NECTIN3: variants seen among roughly 807,000 people sequenced by gnomAD.
NECTIN3 encodes the protein nectin cell adhesion molecule 3.
A neutral mutation model predicts 49.4 loss-of-function variants in NECTIN3; 8 were observed. The ratio of observed to expected loss-of-function variants is 0.16; its 90% CI spans 0.10 to 0.29. The LOEUF is 0.29. Ranked by LOEUF, NECTIN3 falls within the 10% of genes least tolerant of loss-of-function variation. The probability of loss-of-function intolerance (pLI) is 1.00; values close to 1 mark genes in which losing one functional copy is unlikely to be tolerated. For synonymous variants in NECTIN3, 277 were observed against 241.1 expected, an observed-to-expected ratio of 1.15 and a Z score of -1.38; for missense variants, 581 against 654.6, an observed-to-expected ratio of 0.89 and a Z score of 1.23.
intron 7 of NECTIN3, among the ~76,000 whole-genome samples, chr3:111,163,807 T>A (rs2035266166): frequency 6.6e-6 from 1 of 152,124 alleles, no homozygotes; most frequent in South Asian, 2.1e-4. Flanking sequence ...TTATGCATTG[T>A]CATGACTGCA....
intron 7 of NECTIN3, among the ~76,000 whole-genome samples, chr3:111,175,646 C>T (rs1045431600): frequency 1.3e-5 from 2 of 152,146 alleles, no homozygotes; most frequent in African/African-American, 4.8e-5. Flanking sequence ...CTCATAGACA[C>T]AGAACCACAA....
At chr3:111,089,629 A>G (rs1021680308) in intron 1 of NECTIN3, among the ~76,000 whole-genome samples, 1 of 151,980 alleles carries the variant, frequency 6.6e-6, no homozygotes, top group Non-Finnish European at 1.5e-5. Context: ...TTTTGTTTTA[A>G]CATTGTGTCA....
intron 1 of NECTIN3, among the ~76,000 whole-genome samples, chr3:111,086,458 G>A (rs1439413882): frequency 6.6e-6 from 1 of 152,018 alleles, no homozygotes; most frequent in Admixed American, 6.6e-5. Flanking sequence ...ATAAGATAGG[G>A]TTCATATTTT....
At chr3:111,132,888 A>G (rs1361329701) in intron 5 of NECTIN3, among the ~76,000 whole-genome samples, 1 of 151,988 alleles carries the variant, frequency 6.6e-6, no homozygotes, top group Non-Finnish European at 1.5e-5. Context: ...ACTTTATAAC[A>G]TATTTTTACT....
chr3:111,127,726 G>A (rs2034223672), intron 5 of NECTIN3, among the ~76,000 whole-genome samples: 2 of 151,880 alleles, frequency 1.3e-5, no homozygotes, highest in African/African-American at 4.8e-5. Context: ...ACCATGCCCA[G>A]CTAATTTTTG....
At chr3:111,105,625 A>G (rs1022879986) in intron 1 of NECTIN3, among the ~76,000 whole-genome samples, 1 of 152,136 alleles carries the variant, frequency 6.6e-6, no homozygotes, top group African/African-American at 2.4e-5. Flanking sequence ...TCTAAAGACA[A>G]TTGTGTTTTC....
chr3:111,169,619 G>A (rs902126122), intron 7 of NECTIN3, among the ~76,000 whole-genome samples: 2 of 151,994 alleles, frequency 1.3e-5, no homozygotes, highest in Non-Finnish European at 2.9e-5. Context: ...CACTTCCATG[G>A]TCTAATGTGA....
chr3:111,148,785 A>T (rs926993527), intron 7 of NECTIN3, among the ~76,000 whole-genome samples: 10 of 151,608 alleles, frequency 6.6e-5, no homozygotes, highest in Admixed American at 2.0e-4. Flanking sequence ...TTTGATGTGG[A>T]TAGTAATCTT....
chr3:111,143,278 C>T (rs1188507258), intron 5 of NECTIN3, among the ~76,000 whole-genome samples: 3 of 151,518 alleles, frequency 2.0e-5, no homozygotes, highest in Non-Finnish European at 4.4e-5. Context: ...ATAAACCAGG[C>T]TGGTATTAGA....
chr3:111,116,509 C>T (rs1168840412), intron 2 of NECTIN3, among the ~76,000 whole-genome samples: 1 of 152,042 alleles, frequency 6.6e-6, no homozygotes, highest in Non-Finnish European at 1.5e-5. Context: ...AGAGACTAGA[C>T]ATAAAAGTGT....
Position 111,137,526 on chromosome 3 carries a change from C to A in NECTIN3, c.*3311C>A. 5.1e-6 allele frequency: 5 copies of A among 972,190 alleles called. No individual in the cohort carries two copies. In the South Asian group the frequency reaches 2.4e-4, roughly 46 times the overall value. The allele number at this position is 972,190 out of a possible 1,614,324, so 60.2% of individuals were successfully genotyped here. A position where few individuals can be genotyped will look rare whatever the true frequency, so the allele number is the denominator to read the frequency against. On this transcript the variant is annotated 3_prime_UTR_variant, in exon 6 of 6. Transcript: ENST00000485303. The stretch of plus-strand genomic sequence containing the variant: ...TAGCCCCAATAGCCATGCATGAAAT[C>A]TTTAAATAAAAGTTAAAAAAGTTCT...
At chr3:111,074,380 G>T in intron 1 of NECTIN3, 4 of 351,886 alleles carry the variant, frequency 1.1e-5, no homozygotes, top group South Asian at 8.5e-5. Flanking sequence ...TTTTAGAGTT[G>T]AAAAGATTTT....
intron 1 of NECTIN3, among the ~76,000 whole-genome samples, chr3:111,083,785 C>T (rs1282859610): frequency 6.6e-6 from 1 of 152,164 alleles, no homozygotes; most frequent in African/African-American, 2.4e-5. Flanking sequence ...ATATCCAGAA[C>T]CATAGCTAAG....
At chr3:111,101,472 G>T (rs2032904002) in intron 1 of NECTIN3, among the ~76,000 whole-genome samples, 1 of 152,084 alleles carries the variant, frequency 6.6e-6, no homozygotes, top group African/African-American at 2.4e-5. Context: ...TTGGTTACGT[G>T]TAAGTTATTA....
Position 111,096,277 on chromosome 3 carries a change from G to A in NECTIN3, c.161-15753G>A, listed in dbSNP as rs561687110. ...TATGTAGAACTTTGAAGCTGAGAGAGTTGATTTAGAGTATCTGGTGGGAGA... is the reference window on the plus strand; with the variant it reads ...TATGTAGAACTTTGAAGCTGAGAGAATTGATTTAGAGTATCTGGTGGGAGA... On this transcript the variant is annotated intron_variant, in intron 1 of 5. Transcript: ENST00000485303. Among the ~76,000 whole-genome samples, 710 of 152,316 alleles carry A rather than the reference G, an allele frequency of 4.7e-3. 2 individuals are homozygous for A. Among genetic ancestry groups the A allele is most frequent in the South Asian group, 0.017 (83 of 4,826 alleles).
rs1362211495 is a variant in NECTIN3 at position 111,072,052 on chromosome 3, C to T, written c.35C>T (p.Pro12Leu). ...ACCCTGCGGCCGTCCCCGCTGTGTC[C>T]TGGAGGCGGCAAAGCACAACTTTCC... Reference protein sequence around the residue: ...ARTLRPSPLCPGGGKAQLSSA... With the variant: ...ARTLRPSPLCLGGGKAQLSSA... The change falls in exon 1 of 6, where the codon CCT becomes CTT. Residue 12 changes from proline to leucine, a missense_variant. By Grantham distance (98) the Pro-to-Leu change is moderately conservative (BLOSUM62 -3). Around this residue, in one of 3 missense-constraint regions of NECTIN3, gnomAD observed 109 missense variants for 69.1 expected, o/e 1.58. Transcript: ENST00000485303. 3.2e-6 allele frequency: 5 copies of T among 1,547,470 alleles called. No homozygotes were observed. In the African/African-American group the frequency reaches 4.1e-5, roughly 13 times the overall value.
At position 111,164,457 on chromosome 3, in the gene NECTIN3, T is replaced by C. The variant is rs139432929; in HGVS notation, c.1221+16973T>C. 3.8e-4 allele frequency among the ~76,000 whole-genome samples: 58 copies of C among 152,294 alleles called. No individual in the cohort carries two copies. In the East Asian group the frequency reaches 0.01, roughly 27 times the overall value. ...CCATTAGCAAATACTGTGACTGAAATATATTACCATATGTTATATATTTCC... is the reference window on the plus strand; with the variant it reads ...CCATTAGCAAATACTGTGACTGAAACATATTACCATATGTTATATATTTCC... On this transcript the variant is annotated intron_variant, in intron 7 of 8. Coordinates refer to the NECTIN3 transcript ENST00000493615.
chr3:111,102,155 G>A (rs1301123343), intron 1 of NECTIN3, among the ~76,000 whole-genome samples: 1 of 152,082 alleles, frequency 6.6e-6, no homozygotes, highest in Non-Finnish European at 1.5e-5. Flanking sequence ...GCAAGGGTTG[G>A]GATGTGGAGA....
intron 1 of NECTIN3, among the ~76,000 whole-genome samples, chr3:111,104,166 A>C (rs985603225): frequency 2.0e-5 from 3 of 152,106 alleles, no homozygotes; most frequent in African/African-American, 7.2e-5. Context: ...ATTTTCTTCA[A>C]AACTTGTTAT....
Sources: gnomAD v4.1 joint callset for allele counts (sites outside exome capture counted in the v4.1 genomes callset) on GRCh38, gnomAD v4.1.1 for gene constraint, gnomAD v4.1.1 regional missense constraint, MANE v1.5 for transcripts, NCBI Gene and HGNC (gene_info 2026-07-23, HGNC 2026-07-21) for gene names.